Variants in PRKAG2 observed in about 807,000 individuals in gnomAD.
PRKAG2 encodes the protein protein kinase AMP-activated non-catalytic subunit gamma 2, also known as 5'-AMP-activated protein kinase subunit gamma-2.
In PRKAG2, 26 loss-of-function variants were observed where a neutral mutation model predicts 69.6. That is an observed-to-expected ratio of 0.37 (90% CI 0.27 to 0.52). The LOEUF is 0.52. Ranked by LOEUF, PRKAG2 falls within the 20% of genes least tolerant of loss-of-function variation. PRKAG2 has a pLI of 0.90. For missense variants in PRKAG2, 557 were observed against 740.0 expected (o/e 0.75, Z 2.87); for synonymous variants, 293 against 285.0 (o/e 1.03, Z -0.28).
intron 5 of PRKAG2, among the ~76,000 whole-genome samples, chr7:151,602,086 T>A (rs1816238736): frequency 6.6e-6 from 1 of 152,246 alleles, no homozygotes; most frequent in Non-Finnish European, 1.5e-5. Flanking sequence ...CTGGTCCGTG[T>A]CCGCCATCGC....
At chr7:151,724,821 G>A (rs117076300) in intron 3 of PRKAG2, among the ~76,000 whole-genome samples, 2 of 152,136 alleles carry the variant, frequency 1.3e-5, no homozygotes, top group African/African-American at 2.4e-5. Flanking sequence ...GTGGAACAGA[G>A]GGTGGCACCG....
chr7:151,642,501 C>A (rs1362388381), intron 4 of PRKAG2, among the ~76,000 whole-genome samples: 1 of 152,146 alleles, frequency 6.6e-6, no homozygotes. Context: ...TGCCCTCCAA[C>A]CCGGGCAACA....
At chr7:151,733,963 G>A (rs1799364174) in intron 3 of PRKAG2, among the ~76,000 whole-genome samples, 1 of 152,050 alleles carries the variant, frequency 6.6e-6, no homozygotes, top group Non-Finnish European at 1.5e-5. Flanking sequence ...CCAAAGTGCT[G>A]GGAATGCAGG....
At chr7:151,750,266 C>T (rs966541634) in intron 3 of PRKAG2, among the ~76,000 whole-genome samples, 2 of 152,128 alleles carry the variant, frequency 1.3e-5, no homozygotes, top group African/African-American at 4.8e-5. Context: ...TAGGTATATA[C>T]CCAAGAGAAC....
At chr7:151,793,723 C>T (rs2077367863) in intron 1 of PRKAG2, among the ~76,000 whole-genome samples, 1 of 152,208 alleles carries the variant, frequency 6.6e-6, no homozygotes, top group Non-Finnish European at 1.5e-5. Context: ...TGCCTCTGGA[C>T]AGGCCGGCCT....
At chr7:151,762,620 G>A (rs970455199) in intron 3 of PRKAG2, among the ~76,000 whole-genome samples, 2 of 152,160 alleles carry the variant, frequency 1.3e-5, no homozygotes, top group East Asian at 3.9e-4. Flanking sequence ...GGGCAGACTA[G>A]CCCACGCACA....
In PRKAG2 at chr7:151,742,399, G is replaced by A. The variant is rs184733203; in HGVS notation, c.466+38753C>T. Reference sequence around the variant, plus strand: ...TCCCAGCACTTTGGGAGGCTGAGGCGGGTGGATCAAGGTCAAGAGATTGAG... The same window carrying A: ...TCCCAGCACTTTGGGAGGCTGAGGCAGGTGGATCAAGGTCAAGAGATTGAG... On this transcript the variant is annotated intron_variant, in intron 3 of 15. Transcript: ENST00000287878. 6.1e-3 allele frequency among the ~76,000 whole-genome samples: 927 copies of A among 152,256 alleles called. 2 individuals are homozygous for A. The highest frequency in any genetic ancestry group is 0.011 in the Non-Finnish European group (737 of 68,012).
intron 3 of PRKAG2, among the ~76,000 whole-genome samples, chr7:151,708,330 C>T (rs755834587): frequency 6.6e-6 from 1 of 152,232 alleles, no homozygotes; most frequent in Admixed American, 6.5e-5. Flanking sequence ...TGGTGTCAGG[C>T]CTTGCCCTCA....
At chr7:151,760,867 G>A (rs919247669) in intron 3 of PRKAG2, among the ~76,000 whole-genome samples, 5 of 152,178 alleles carry the variant, frequency 3.3e-5, no homozygotes, top group African/African-American at 4.8e-5. Context: ...GCCAAACAGC[G>A]CACCTTGTCC....
chr7:151,668,481 T>C (rs1276069718), intron 4 of PRKAG2, among the ~76,000 whole-genome samples: 1 of 152,244 alleles, frequency 6.6e-6, no homozygotes, highest in Non-Finnish European at 1.5e-5. Context: ...CCTCGATTCA[T>C]TTTAATGGGC....
At chr7:151,742,986 G>A (rs545096100) in intron 3 of PRKAG2, among the ~76,000 whole-genome samples, 1 of 152,168 alleles carries the variant, frequency 6.6e-6, no homozygotes, top group African/African-American at 2.4e-5. Flanking sequence ...TTCAGCATAC[G>A]TGGGCGGGGG....
chr7:151,862,922 G>C (rs1269991799), intron 1 of PRKAG2, among the ~76,000 whole-genome samples: 2 of 151,562 alleles, frequency 1.3e-5, no homozygotes, highest in Non-Finnish European at 2.9e-5. Flanking sequence ...GGTTCAGAGG[G>C]CACTGGTAGG....
chr7:151,616,081 C>T (rs1164875234), intron 5 of PRKAG2, among the ~76,000 whole-genome samples: 1 of 152,182 alleles, frequency 6.6e-6, no homozygotes, highest in Admixed American at 6.5e-5. Flanking sequence ...GCAAATTTTG[C>T]CACTGGTCAG....
intron 4 of PRKAG2, among the ~76,000 whole-genome samples, chr7:151,663,382 G>A (rs1463006922): frequency 2.6e-5 from 4 of 152,076 alleles, no homozygotes; most frequent in Non-Finnish European, 1.5e-5. Flanking sequence ...TTTTCTTTTT[G>A]TTTTTGTTTT....
rs1379931032 is a variant in PRKAG2 at position 151,807,828 on chromosome 7, G to A, written c.115-21287C>T. ...GAAGACCCAAAAGGCATAGGGGAGAGAAGAGATAAATCTGGATGCGGTGGA... is the reference window on the plus strand; with the variant it reads ...GAAGACCCAAAAGGCATAGGGGAGAAAAGAGATAAATCTGGATGCGGTGGA... On this transcript the variant is annotated intron_variant, in intron 1 of 15. Transcript: ENST00000287878. The surrounding 1 kb of genome is among the most constrained non-coding windows in gnomAD (Gnocchi z 4.4). Among the ~76,000 whole-genome samples the A allele has an allele frequency of 2.0e-5, 3 of 152,200 alleles. No individual in the cohort carries two copies. The highest frequency in any genetic ancestry group is 7.2e-5 in the African/African-American group (3 of 41,438).
chr7:151,876,584 C>CT lies in PRKAG2; in HGVS notation c.36dup (p.Asp13ArgfsTer169). The CT allele has an allele frequency of 6.2e-7, 1 of 1,610,312 alleles. No individual in the cohort carries two copies. ...CCGCTCCCGCCGGGGCTGGAAACAT[C>CT]TTTTTTCTTCTTGGTGTCCATAACC... On this transcript the variant is annotated frameshift_variant, in exon 1 of 16. Transcript: ENST00000287878. LOFTEE classifies it high-confidence loss of function.
intron 3 of PRKAG2, among the ~76,000 whole-genome samples, chr7:151,708,465 T>G (rs914387982): frequency 2.0e-5 from 3 of 152,194 alleles, no homozygotes; most frequent in Non-Finnish European, 4.4e-5. Flanking sequence ...GTATCTTCTA[T>G]GCAGCGTAAA....
At chr7:151,762,358 C>T (rs11520869) in intron 3 of PRKAG2, among the ~76,000 whole-genome samples, 2,395 of 152,266 alleles carry the variant, frequency 0.016, 37 homozygotes, top group African/African-American at 0.036. Flanking sequence ...TATTGACACA[C>T]GTACTCACAC....
At chr7:151,812,646 G>A (rs2078479306) in intron 1 of PRKAG2, among the ~76,000 whole-genome samples, 1 of 152,166 alleles carries the variant, frequency 6.6e-6, no homozygotes, top group Non-Finnish European at 1.5e-5. Context: ...GACCTGAAGA[G>A]AAGCCAGAGC....
Sources: allele counts gnomAD v4.1 joint callset (sites outside exome capture counted in the v4.1 genomes callset), GRCh38; gene constraint gnomAD v4.1.1; non-coding constraint Gnocchi (gnomAD v3.1); transcripts MANE v1.5; gene names NCBI Gene and HGNC (gene_info 2026-07-23, HGNC 2026-07-21).